STAC: variants seen among roughly 807,000 people sequenced by gnomAD.
STAC encodes the protein SH3 and cysteine-rich domain-containing protein.
Under a neutral mutation model 48.8 loss-of-function variants are expected in STAC, and 43 were observed. That is an observed-to-expected ratio of 0.88 (90% CI 0.69 to 1.14). STAC has a LOEUF of 1.14. STAC is among the 50% of genes most tolerant of loss of function. The probability of loss-of-function intolerance (pLI) is 0.00; values close to 1 mark genes in which losing one functional copy is unlikely to be tolerated. For synonymous variants in STAC, 193 were observed against 179.5 expected, an observed-to-expected ratio of 1.07 and a Z score of -0.60; for missense variants, 497 against 504.0, an observed-to-expected ratio of 0.99 and a Z score of 0.13.
intron 2 of STAC, 43 bp from the exon 3 acceptor site, chr3:36,482,949 T>C (rs773991996): frequency 3.6e-6 from 5 of 1,385,726 alleles, no homozygotes; most frequent in Non-Finnish European, 5.1e-6. Context: ...CAGCAGGAAA[T>C]GGCAGGTTGT....
At chr3:36,488,566 T>C (rs1354670182) in intron 5 of STAC, among the ~76,000 whole-genome samples, 2 of 152,140 alleles carry the variant, frequency 1.3e-5, no homozygotes, top group South Asian at 2.1e-4. Context: ...CGTCTCTACA[T>C]TGATGACTCC....
At chr3:36,466,843 T>C (rs1467876135) in intron 2 of STAC, among the ~76,000 whole-genome samples, 4 of 152,058 alleles carry the variant, frequency 2.6e-5, no homozygotes, top group Non-Finnish European at 5.9e-5. Flanking sequence ...TTTATTTCTT[T>C]CTCTTGTCTG....
At chr3:36,544,625 G>GTATT (rs1238707819) in intron 10 of STAC, among the ~76,000 whole-genome samples, 3 of 152,092 alleles carry the variant, frequency 2.0e-5, no homozygotes, top group Non-Finnish European at 4.4e-5. Flanking sequence ...TGTTGGGCAT[G>GTATT]TATTTATTTA....
chr3:36,471,710 T>C (rs1559504273), intron 2 of STAC, among the ~76,000 whole-genome samples: 1 of 152,166 alleles, frequency 6.6e-6, no homozygotes, highest in East Asian at 1.9e-4. Context: ...CAAAATGATC[T>C]CCTTTGACTC....
intron 2 of STAC, among the ~76,000 whole-genome samples, chr3:36,480,961 T>C (rs961082561): frequency 1.1e-4 from 16 of 152,036 alleles, no homozygotes; most frequent in African/African-American, 2.9e-4. Context: ...AAATAATAAT[T>C]GTGATAAATG....
intron 1 of STAC, among the ~76,000 whole-genome samples, chr3:36,411,470 A>G (rs1038155302): frequency 1.3e-5 from 2 of 152,210 alleles, no homozygotes; most frequent in Non-Finnish European, 2.9e-5. Flanking sequence ...TCAAACACAC[A>G]GAATATATTT....
chr3:36,511,269 C>A (rs755986692), intron 8 of STAC, among the ~76,000 whole-genome samples: 21 of 152,160 alleles, frequency 1.4e-4, no homozygotes, highest in Non-Finnish European at 2.6e-4. Flanking sequence ...ATAATGATCT[C>A]TTCCCCTTAA....
chr3:36,544,345 T>C (rs1699395693), intron 10 of STAC, among the ~76,000 whole-genome samples: 1 of 152,080 alleles, frequency 6.6e-6, no homozygotes, highest in Admixed American at 6.6e-5. Context: ...AATTTTTGTA[T>C]TTTTTGTAGA....
chr3:36,504,466 G>A lies in STAC; in HGVS notation c.831+9G>A, dbSNP rs1698351723. The A allele has an allele frequency of 2.5e-6, 4 of 1,613,222 alleles. No individual in the cohort carries two copies. The East Asian group carries it at 8.9e-5, about 36-fold the overall frequency. The stretch of plus-strand genomic sequence containing the variant: ...AGAACATAAACCACCAGGTATTTAT[G>A]GATGTCACAGAAGACAAGTCAGACA... On this transcript the variant is annotated intron_variant, in intron 7 of 10. Coordinates refer to ENST00000273183, the MANE Select transcript of STAC (RefSeq NM_003149.3).
chr3:36,423,421 A>G (rs563855334), intron 1 of STAC, among the ~76,000 whole-genome samples: 3 of 151,568 alleles, frequency 2.0e-5, no homozygotes, highest in African/African-American at 7.3e-5. Context: ...GGCTTCAATA[A>G]GAAATAAATT....
At chr3:36,402,209 G>A (rs1487173405) in intron 1 of STAC, among the ~76,000 whole-genome samples, 1 of 151,962 alleles carries the variant, frequency 6.6e-6, no homozygotes, top group African/African-American at 2.4e-5. Context: ...AAGAAAGAGT[G>A]AATAATGTAA....
intron 6 of STAC, among the ~76,000 whole-genome samples, chr3:36,500,456 T>C (rs1698256496): frequency 6.6e-6 from 1 of 151,106 alleles, no homozygotes; most frequent in Admixed American, 6.6e-5. Flanking sequence ...GCGAAGGAGG[T>C]AGGGGAGGGA....
rs761935237 is a variant in STAC, at chr3:36,546,267, T to G, written c.1187T>G (p.Leu396Arg). The change falls in exon 11 of 11, where the codon CTT becomes CGT. Residue 396 changes from leucine (L) to arginine (R), a missense_variant. By Grantham distance (102) the Leu-to-Arg change is moderately radical. Transcript: ENST00000273183. ...LSGKKKGLIP[L>R]DVLENI Reference sequence around the variant, plus strand: ...GGAAAAAAGAAAGGCCTCATCCCCCTTGATGTACTAGAAAACATCTGATTG... The same window carrying G: ...GGAAAAAAGAAAGGCCTCATCCCCCGTGATGTACTAGAAAACATCTGATTG... 1 of 1,614,078 alleles carries G rather than the reference T, an allele frequency of 6.2e-7. No individual in the cohort carries two copies. The highest frequency in any genetic ancestry group is 1.1e-5 in the South Asian group (1 of 91,084).
At chr3:36,486,380 A>G (rs11926471) in intron 5 of STAC, 131 bp downstream of exon 5, 73,814 of 680,388 alleles carry the variant, frequency 0.11, 4,520 homozygotes, top group Non-Finnish European at 0.12. Flanking sequence ...GGCACCTGCC[A>G]AAGAGAAACC....
chr3:36,428,366 A>T (rs1700616281), intron 1 of STAC, among the ~76,000 whole-genome samples: 1 of 152,254 alleles, frequency 6.6e-6, no homozygotes, highest in Non-Finnish European at 1.5e-5. Context: ...AATGACAATA[A>T]CAAATCACAA....
chr3:36,424,196 A>G (rs1420243872), intron 1 of STAC, among the ~76,000 whole-genome samples: 1 of 152,028 alleles, frequency 6.6e-6, no homozygotes, highest in African/African-American at 2.4e-5. Flanking sequence ...TCTTTTAAGT[A>G]GATTCTCTGT....
chr3:36,459,743 A>G (rs1559500036), intron 2 of STAC, among the ~76,000 whole-genome samples: 1 of 152,182 alleles, frequency 6.6e-6, no homozygotes, highest in Non-Finnish European at 1.5e-5. Context: ...ATCTTGGCAA[A>G]ACCAGAAAAT....
At chr3:36,398,432 G>GA in intron 1 of STAC, among the ~76,000 whole-genome samples, 3 of 67,266 alleles carry the variant, frequency 4.5e-5, no homozygotes, top group Non-Finnish European at 1.1e-4. Flanking sequence ...AGGAAGGAAG[G>GA]AAGGAAGGAA....
At chr3:36,534,640 T>C (rs1699155307) in intron 10 of STAC, among the ~76,000 whole-genome samples, 1 of 152,068 alleles carries the variant, frequency 6.6e-6, no homozygotes, top group Non-Finnish European at 1.5e-5. Context: ...ATGAACACAA[T>C]GAGAGTTTGC....
Sources: allele counts gnomAD v4.1 joint callset (sites outside exome capture counted in the v4.1 genomes callset), GRCh38; gene constraint gnomAD v4.1.1; transcripts MANE v1.5; gene names NCBI Gene and HGNC (gene_info 2026-07-23, HGNC 2026-07-21).